Variants in URGCP observed in about 807,000 individuals in gnomAD.
The protein encoded by URGCP is upregulator of cell proliferation, also known as up-regulator of cell proliferation.
A neutral mutation model predicts 24.6 loss-of-function variants in URGCP; 13 were observed. The observed-to-expected ratio is 0.53, with a 90% CI of 0.34 to 0.84. URGCP has a LOEUF of 0.84. Ranked by LOEUF, URGCP falls within the 40% of genes least tolerant of loss-of-function variation. The pLI is 0.01. For missense variants in URGCP, 899 were observed against 1,194.3 expected, an observed-to-expected ratio of 0.75 and a Z score of 3.64; for synonymous variants, 444 against 487.2, an observed-to-expected ratio of 0.91 and a Z score of 1.17.
At chr7:43,919,308 C>T (rs1023482862) in intron 1 of URGCP, 3 of 828,300 alleles carry the variant, frequency 3.6e-6, no homozygotes, top group Non-Finnish European at 4.3e-6. Context: ...TGTGGTGGTG[C>T]TGCACAACAC....
chr7:43,919,047 A>ATT (rs1458819490), intron 1 of URGCP: 3 of 1,054,630 alleles, frequency 2.8e-6, no homozygotes, highest in African/African-American at 1.6e-5. Context: ...CCATGAGGAC[A>ATT]TTTTTAACAT....
intron 1 of URGCP, among the ~76,000 whole-genome samples, chr7:43,917,865 G>A (rs901644468): frequency 6.6e-6 from 1 of 152,188 alleles, no homozygotes; most frequent in Non-Finnish European, 1.5e-5. Flanking sequence ...CCAGGAAGCT[G>A]AGGAGGGAGG....
At chr7:43,886,208 A>C (rs2095861845) in intron 3 of URGCP, among the ~76,000 whole-genome samples, 1 of 152,188 alleles carries the variant, frequency 6.6e-6, no homozygotes, top group Non-Finnish European at 1.5e-5. Flanking sequence ...GGTTGGTCTC[A>C]AACTCCTGGG....
At chr7:43,892,662 C>A (rs910784694) in intron 1 of URGCP, among the ~76,000 whole-genome samples, 2 of 151,936 alleles carry the variant, frequency 1.3e-5, no homozygotes, top group East Asian at 3.9e-4. Flanking sequence ...GAAATCACAC[C>A]CTATCTCCAA....
Position 43,925,871 on chromosome 7 carries a change from A to C in URGCP, c.-116+261T>G, listed in dbSNP as rs143169842. 0.016 allele frequency among the ~76,000 whole-genome samples: 2,400 copies of C among 146,246 alleles called. 59 individuals are homozygous for C. The highest frequency in any genetic ancestry group is 0.057 in the African/African-American group (2,248 of 39,572). On this transcript the variant is annotated intron_variant, in intron 1 of 5. Transcript: ENST00000426198. ...TGATTTCGTGACACACTAGTTCATAACCCTCAGTTTGAACAACTCTGACCT... is the reference window on the plus strand; with the variant it reads ...TGATTTCGTGACACACTAGTTCATACCCCTCAGTTTGAACAACTCTGACCT...
chr7:43,925,466 A>C (rs894352058), intron 1 of URGCP, among the ~76,000 whole-genome samples: 1 of 152,112 alleles, frequency 6.6e-6, no homozygotes. Context: ...TTACTATGTG[A>C]AATGCACTGA....
rs745429256 is a variant in URGCP, at chr7:43,878,674, G to A, written c.789C>T (p.Phe263=). The change falls in exon 6 of 6, where the codon TTC becomes TTT. Residue 263 remains phenylalanine (F), a synonymous_variant. Transcript: ENST00000453200. The surrounding 1 kb of genome is among the most constrained non-coding windows in gnomAD (Gnocchi z 5.6). ...DSVVLSRAPA[F]AFVRMDVSSN... Reference sequence around the variant, plus strand: ...TACTGACGTCCATGCGCACGAAGGCGAAGGCGGGCGCCCTGGACAAGACCA... The same window carrying A: ...TACTGACGTCCATGCGCACGAAGGCAAAGGCGGGCGCCCTGGACAAGACCA... The A allele has an allele frequency of 4.3e-6, 7 of 1,613,502 alleles. No individual in the cohort carries two copies. The highest frequency in any genetic ancestry group is 1.7e-5 in the Admixed American group (1 of 60,012).
chr7:43,889,931 G>A (rs1047801690), intron 1 of URGCP, among the ~76,000 whole-genome samples: 6 of 149,404 alleles, frequency 4.0e-5, no homozygotes, highest in Non-Finnish European at 8.9e-5. Flanking sequence ...TTGAGATGGA[G>A]TCTTGCTTTG....
At chr7:43,914,297 C>A (rs1236434065) in intron 1 of URGCP, among the ~76,000 whole-genome samples, 2 of 152,044 alleles carry the variant, frequency 1.3e-5, no homozygotes. Context: ...AGCCCAGGAG[C>A]TTGAGATCAG....
chr7:43,877,553 G>A lies in URGCP; in HGVS notation c.1910C>T (p.Pro637Leu), dbSNP rs1034904812. Residue 637 changes from proline to leucine, a missense_variant, in exon 6 of 6, where the codon CCG becomes CTG. By Grantham distance (98) the Pro-to-Leu change is moderately conservative. Transcript: ENST00000453200. ...ESCLVEAGRLPAGQRRFAHFP... is the reference protein window; with the variant it reads ...ESCLVEAGRLLAGQRRFAHFP... The stretch of plus-strand genomic sequence containing the variant: ...GTGGGCAAAACGCCTCTGGCCTGCC[G>A]GCAGCCTCCCTGCCTCCACAAGACA... The A allele has an allele frequency of 6.8e-6, 11 of 1,613,798 alleles. No individual in the cohort carries two copies. The African/African-American group carries it at 8.0e-5, about 12-fold the overall frequency.
In URGCP at chr7:43,876,529, C is replaced by CCT. The variant is rs10624354; in HGVS notation, c.*136_*137dup. 0.69 allele frequency: 641,949 copies of CCT among 926,832 alleles called. 224,003 individuals are homozygous for CCT. The highest frequency in any genetic ancestry group is 0.82 in the African/African-American group (49,678 of 60,336). 57.4% of individuals were successfully genotyped at this position (926,832 alleles called of 1,614,324 possible). ...TAACACTGTTGAGGAGACTCCAAACCCTGTCTTTTCCTCGTCTTCTCATGT... is the reference window on the plus strand; with the variant it reads ...TAACACTGTTGAGGAGACTCCAAACCCTCTGTCTTTTCCTCGTCTTCTCATGT... On this transcript the variant is annotated 3_prime_UTR_variant, in exon 6 of 6. Transcript: ENST00000453200.
intron 1 of URGCP, chr7:43,919,483 C>A: frequency 8.9e-7 from 1 of 1,118,752 alleles, no homozygotes; most frequent in Non-Finnish European, 1.4e-6. Flanking sequence ...TCACTCATTC[C>A]CACCCCATGG....
intron 1 of URGCP, among the ~76,000 whole-genome samples, chr7:43,899,328 C>G (rs1236554938): frequency 6.8e-6 from 1 of 147,492 alleles, no homozygotes; most frequent in African/African-American, 2.5e-5. Context: ...CTATGTTGCC[C>G]AGGCCAGTCT....
At chr7:43,884,302 A>G (rs2095858914) in intron 3 of URGCP, among the ~76,000 whole-genome samples, 2 of 152,120 alleles carry the variant, frequency 1.3e-5, no homozygotes, top group Non-Finnish European at 2.9e-5. Context: ...CCAGGCAAAG[A>G]CACAAAACAG....
At chr7:43,888,092 T>C in intron 1 of URGCP, 1 of 395,548 alleles carries the variant, frequency 2.5e-6, no homozygotes, top group Middle Eastern at 7.5e-4. Flanking sequence ...TATGTTTATC[T>C]ATAGGTATAT....
chr7:43,881,606 AGAT>A, intron 5 of URGCP, 50 bp downstream of exon 5: 2 of 1,613,080 alleles, frequency 1.2e-6, no homozygotes, highest in East Asian at 2.2e-5. Context: ...CTGCTGGCCT[AGAT>A]GATAACCCCC....
At chr7:43,910,457 T>G (rs2095908877), upstream of URGCP, among the ~76,000 whole-genome samples, 1 of 142,138 alleles carries the variant, frequency 7.0e-6, no homozygotes, top group African/African-American at 2.6e-5. Flanking sequence ...CTCAAACTTC[T>G]GGGCTGAAGC....
chr7:43,910,513 GCC>G (rs1342248533), upstream of URGCP, among the ~76,000 whole-genome samples: 4 of 148,608 alleles, frequency 2.7e-5, no homozygotes, highest in Non-Finnish European at 3.0e-5. Flanking sequence ...ACAGATGTGA[GCC>G]ACCATGCCTG....
At chr7:43,925,280 TGA>T (rs2095927814) in intron 1 of URGCP, among the ~76,000 whole-genome samples, 1 of 152,192 alleles carries the variant, frequency 6.6e-6, no homozygotes, top group South Asian at 2.1e-4. Context: ...ATATGCTGAC[TGA>T]GTACAAACAT....
Sources: allele counts gnomAD v4.1 joint callset (sites outside exome capture counted in the v4.1 genomes callset), GRCh38; gene constraint gnomAD v4.1.1; non-coding constraint Gnocchi (gnomAD v3.1); transcripts MANE v1.5; gene names NCBI Gene and HGNC (gene_info 2026-07-23, HGNC 2026-07-21).